The following SNX19 variants were observed in gnomAD, a reference collection of about 807,000 sequenced individuals.
SNX19 encodes sorting nexin-19.
A neutral mutation model predicts 85.2 loss-of-function variants in SNX19; 60 were observed. The observed-to-expected ratio is 0.70, with a 90% CI of 0.57 to 0.87. The LOEUF (loss-of-function observed/expected upper bound fraction) is 0.87, where lower values mean the gene tolerates loss of function less well. SNX19 is among the 40% of genes least tolerant of loss of function. The pLI is 0.00. For synonymous variants in SNX19, 520 were observed against 470.0 expected, an observed-to-expected ratio of 1.11 and a Z score of -1.38; for missense variants, 1,201 against 1,217.8, an observed-to-expected ratio of 0.99 and a Z score of 0.21.
At chr11:130,886,580 C>T (rs1944090896) in intron 8 of SNX19, among the ~76,000 whole-genome samples, 1 of 152,074 alleles carries the variant, frequency 6.6e-6, no homozygotes, top group Non-Finnish European at 1.5e-5. Context: ...TTCTGTACTG[C>T]CAGTCCTAGC....
rs1173859605 is a variant in SNX19, at chr11:130,880,889, C to T, written c.2574-83G>A. 1.2e-5 allele frequency: 15 copies of T among 1,202,872 alleles called. No individual in the cohort carries two copies. The Admixed American group carries it at 3.1e-4, about 25-fold the overall frequency. 74.5% of individuals were successfully genotyped at this position (1,202,872 alleles called of 1,614,324 possible). A position where few individuals can be genotyped will look rare whatever the true frequency, so the allele number is the denominator to read the frequency against. On this transcript the variant is annotated intron_variant, in intron 8 of 10. Transcript: ENST00000265909. ...CAGCGGACTGACTGTTTATGTTCCC[C>T]TGCAGATTCGTGTGTCAAAATCCTA...
At chr11:130,904,206 A>G (rs943296521) in intron 7 of SNX19, among the ~76,000 whole-genome samples, 1 of 152,298 alleles carries the variant, frequency 6.6e-6, no homozygotes, top group Middle Eastern at 3.4e-3. Context: ...TGGGGTTCCA[A>G]TGTCACGTCT....
chr11:130,914,709 G>T lies in SNX19; in HGVS notation c.1231C>A (p.Leu411Met). 6.2e-7 allele frequency: 1 copy of T among 1,614,000 alleles called. No individual in the cohort carries two copies. Among genetic ancestry groups the T allele is most frequent in the Non-Finnish European group, 8.5e-7 (1 of 1,179,936 alleles). ...ALCALESSQA[L>M]EPKDGEASEG... ...GATGCCTCACCATCTTTGGGTTCCA[G>T]AGCCTGGGAACTCTCTAGGGCACAC... The change falls in exon 1 of 11, where the codon CTG (leucine) becomes ATG (methionine). Residue 411 changes from leucine to methionine, a missense_variant. Around this residue, in one of 3 missense-constraint regions of SNX19, gnomAD observed 791 missense variants for 750.9 expected, o/e 1.05. Transcript: ENST00000265909.
chr11:130,887,469 G>A (rs886959819), intron 8 of SNX19, among the ~76,000 whole-genome samples: 3 of 152,218 alleles, frequency 2.0e-5, no homozygotes, highest in Admixed American at 6.5e-5. Flanking sequence ...GTAATATAAC[G>A]GCATAGACAA....
rs569759215 is a variant in SNX19, at chr11:130,907,446, C to T, written c.2165+507G>A. Among the ~76,000 whole-genome samples the T allele has an allele frequency of 2.0e-5, 3 of 152,200 alleles. No individual in the cohort carries two copies. The East Asian group carries it at 5.8e-4, about 29-fold the overall frequency. On this transcript the variant is annotated intron_variant, in intron 5 of 10. Coordinates refer to ENST00000265909, the MANE Select transcript of SNX19 (RefSeq NM_014758.3). Reference sequence around the variant, plus strand: ...TGCCACATGTTGGCTTTGAATGCTGCCAGGGAACAGCTAGGGCCCTAGTGC... The same window carrying T: ...TGCCACATGTTGGCTTTGAATGCTGTCAGGGAACAGCTAGGGCCCTAGTGC...
chr11:130,912,646 G>A (rs1354454695), intron 1 of SNX19, among the ~76,000 whole-genome samples: 1 of 152,134 alleles, frequency 6.6e-6, no homozygotes, highest in East Asian at 1.9e-4. Context: ...TGGGAGTTGT[G>A]GCTGGTGCTT....
Position 130,914,805 on chromosome 11 carries a change from C to T in SNX19, c.1135G>A (p.Glu379Lys), listed in dbSNP as rs750672910. The T allele has an allele frequency of 8.7e-6, 14 of 1,614,108 alleles. No homozygotes were observed. Among genetic ancestry groups the T allele is most frequent in the Admixed American group, 3.3e-5 (2 of 60,012 alleles). The change falls in exon 1 of 11, where the codon GAA becomes AAA. Residue 379 changes from glutamate (E) to lysine (K), a missense_variant. This residue lies in a region of SNX19 where 791 missense variants were observed against 750.9 expected (regional missense o/e 1.05). Transcript: ENST00000265909. ...EDSELESPLS[E>K]LGKETIMLMT... is the part of the protein sequence containing the mutation. ...AGCATGATGGTTTCTTTGCCCAGTT[C>T]AGACAGCGGAGACTCCAGCTCTGAG...
chr11:130,915,387 G>A lies in SNX19; in HGVS notation c.553C>T (p.Pro185Ser), dbSNP rs1334195245. The stretch of plus-strand genomic sequence containing the variant: ...CAGTAAGCCTCCCAGAGGTGGGAAG[G>A]CTCAACTGGACCATTCTTCCCTGCA... ...ATAGKNGPVE[P>S]SHLWEAYCRA... The change falls in exon 1 of 11, where the codon CCT becomes TCT. Residue 185 changes from proline to serine, a missense_variant. Pro to Ser is a moderately conservative substitution (Grantham distance 74). Coordinates refer to ENST00000265909, the MANE Select transcript of SNX19 (RefSeq NM_014758.3). The A allele has an allele frequency of 1.9e-6, 3 of 1,614,032 alleles. No individual in the cohort carries two copies. Among genetic ancestry groups the A allele is most frequent in the South Asian group, 1.1e-5 (1 of 91,082 alleles).
At position 130,869,403 on chromosome 11, in the gene SNX19, T is replaced by A. The variant is rs144165147; in HGVS notation, c.*9019A>T. 1 of 152,370 alleles carries A rather than the reference T, an allele frequency of 6.6e-6. No individual in the cohort carries two copies. The highest frequency in any genetic ancestry group is 1.9e-4 in the East Asian group (1 of 5,192). 9.4% of individuals were successfully genotyped at this position (152,370 alleles called of 1,614,324 possible). A position where few individuals can be genotyped will look rare whatever the true frequency, so the allele number is the denominator to read the frequency against. On this transcript the variant is annotated 3_prime_UTR_variant, in exon 11 of 11. Transcript: ENST00000265909. Reference sequence around the variant, plus strand: ...TGCTTTTACATGTCATCTTTCCCATTTGAGCATTAATTACTCAGTATTTTC... The same window carrying A: ...TGCTTTTACATGTCATCTTTCCCATATGAGCATTAATTACTCAGTATTTTC...
intron 1 of SNX19, 79 bp from the exon 2 acceptor site, chr11:130,911,850 C>A: frequency 7.2e-7 from 1 of 1,393,706 alleles, no homozygotes; most frequent in South Asian, 1.2e-5. Flanking sequence ...ACTACTTGGT[C>A]AATGGCCACA....
Position 130,873,558 on chromosome 11 carries a change from T to C in SNX19, c.*4864A>G, listed in dbSNP as rs1158475890. Among the ~76,000 whole-genome samples the C allele has an allele frequency of 1.3e-5, 2 of 152,140 alleles. No homozygotes were observed. The highest frequency in any genetic ancestry group is 4.8e-5 in the African/African-American group (2 of 41,440). ...ATGACTGTGGGTAAGACATAACCAC[T>C]CTGTGCCTCATGTTCCCCACCTAGA... On this transcript the variant is annotated 3_prime_UTR_variant, in exon 11 of 11. Transcript: ENST00000265909.
Position 130,916,161 on chromosome 11 carries a change from T to C in SNX19, c.-222A>G. ...CTAACAGAGCCCTCCAACTCGCCCC[T>C]TCCAGCTGAGGTGTGGCTTTGGAGG... On this transcript the variant is annotated 5_prime_UTR_variant, in exon 1 of 11. Transcript: ENST00000265909. The C allele has an allele frequency of 1.7e-6, 1 of 573,392 alleles. No homozygotes were observed. Among genetic ancestry groups the C allele is most frequent in the Non-Finnish European group, 3.1e-6 (1 of 322,104 alleles). The allele number at this position is 573,392 out of a possible 1,614,324, so 35.5% of individuals were successfully genotyped here.
chr11:130,914,736 G>T lies in SNX19; in HGVS notation c.1204C>A (p.Leu402Met), dbSNP rs1362238546. The change falls in exon 1 of 11, where the codon CTG (leucine) becomes ATG (methionine). Residue 402 changes from leucine to methionine, a missense_variant. Physicochemically the swap from Leu to Met is conservative, Grantham distance 15 (BLOSUM62 2). Coordinates refer to ENST00000265909, the MANE Select transcript of SNX19 (RefSeq NM_014758.3). ...GCCTGGGAACTCTCTAGGGCACACAGGGCATCCTGAATCCTGTCAGAGAGA... is the reference window on the plus strand; with the variant it reads ...GCCTGGGAACTCTCTAGGGCACACATGGCATCCTGAATCCTGTCAGAGAGA... ...SFLSDRIQDA[L>M]CALESSQALE... is the part of the protein sequence containing the mutation. 2 of 1,614,106 alleles carry T rather than the reference G, an allele frequency of 1.2e-6. No individual in the cohort carries two copies. The highest frequency in any genetic ancestry group is 4.5e-5 in the East Asian group (2 of 44,876).
chr11:130,905,761 T>C, intron 7 of SNX19, 192 bp downstream of exon 7: 1 of 1,537,290 alleles, frequency 6.5e-7, no homozygotes, highest in Non-Finnish European at 8.7e-7. Flanking sequence ...TTCTGCTGCT[T>C]GATTCCGCTG....
intron 8 of SNX19, among the ~76,000 whole-genome samples, chr11:130,888,613 C>T (rs1944264570): frequency 6.6e-6 from 1 of 152,192 alleles, no homozygotes; most frequent in African/African-American, 2.4e-5. Flanking sequence ...TGTTCACAAA[C>T]ATCTATTTCG....
intron 8 of SNX19, among the ~76,000 whole-genome samples, chr11:130,890,896 T>TTC (rs1944451435): frequency 1.3e-5 from 2 of 151,658 alleles, no homozygotes; most frequent in Admixed American, 1.3e-4. Context: ...GGGTCTTTTT[T>TTC]TTTTTTTTGT....
At chr11:130,885,786 C>T (rs1944016729) in intron 8 of SNX19, among the ~76,000 whole-genome samples, 1 of 152,010 alleles carries the variant, frequency 6.6e-6, no homozygotes, top group African/African-American at 2.4e-5. Flanking sequence ...ATACCAAATA[C>T]AGTTCAAAGG....
At position 130,903,390 on chromosome 11, in the gene SNX19, G is replaced by A. The variant is rs759065466; in HGVS notation, c.2444-6C>T. On this transcript the variant is annotated splice_region_variant and splice_polypyrimidine_tract_variant and intron_variant, in intron 7 of 10. Coordinates refer to ENST00000265909, the MANE Select transcript of SNX19 (RefSeq NM_014758.3). ...AGCTAACTCTGTCTCTGTTCCTGAG[G>A]GATAAAATGGCATCAGGAGTAACTC... 3 of 1,611,224 alleles carry A rather than the reference G, an allele frequency of 1.9e-6. No individual in the cohort carries two copies. Among genetic ancestry groups the A allele is most frequent in the Admixed American group, 3.3e-5 (2 of 59,924 alleles).
At chr11:130,883,099 C>T (rs903205269) in intron 8 of SNX19, among the ~76,000 whole-genome samples, 1 of 152,130 alleles carries the variant, frequency 6.6e-6, no homozygotes, top group Admixed American at 6.5e-5. Context: ...GATTAAGTGT[C>T]TCATGTACAT....
Sources: allele counts gnomAD v4.1 joint callset (sites outside exome capture counted in the v4.1 genomes callset), GRCh38; gene constraint gnomAD v4.1.1; regional missense constraint gnomAD v4.1.1; transcripts MANE v1.5; gene names NCBI Gene and HGNC (gene_info 2026-07-23, HGNC 2026-07-21).